SYT9: variants seen among roughly 807,000 people sequenced by gnomAD.
SYT9 encodes the protein synaptotagmin-9.
SYT9 carries 22 observed loss-of-function variants against 48.4 expected under a neutral mutation model. The ratio of observed to expected loss-of-function variants is 0.45; its 90% CI spans 0.32 to 0.65. SYT9 has a LOEUF of 0.65. Among genes scored for constraint, SYT9 ranks in the 30% least tolerant of loss-of-function variants. The pLI, the probability that SYT9 is intolerant of heterozygous loss-of-function variation, is 0.03. For missense variants in SYT9, 577 were observed against 622.0 expected, an observed-to-expected ratio of 0.93 and a Z score of 0.77; for synonymous variants, 265 against 245.0, an observed-to-expected ratio of 1.08 and a Z score of -0.76.
intron 1 of SYT9, among the ~76,000 whole-genome samples, chr11:7,298,125 T>C (rs1848847294): frequency 6.6e-6 from 1 of 152,186 alleles, no homozygotes. Flanking sequence ...TCCTCACTTC[T>C]GGAAAATTTA....
At chr11:7,312,863 A>G (rs563229233) in intron 2 of SYT9, among the ~76,000 whole-genome samples, 5 of 152,204 alleles carry the variant, frequency 3.3e-5, no homozygotes, top group Non-Finnish European at 5.9e-5. Flanking sequence ...ACATTTTTGC[A>G]TGAGCAAAAG....
Position 7,467,108 on chromosome 11 carries a change from C to G in SYT9, c.*308C>G. The G allele has an allele frequency of 2.6e-6, 1 of 382,956 alleles. No individual in the cohort carries two copies. The highest frequency in any genetic ancestry group is 2.1e-5 in the African/African-American group (1 of 48,658). 23.7% of individuals were successfully genotyped at this position (382,956 alleles called of 1,614,324 possible). A position where few individuals can be genotyped will look rare whatever the true frequency, so the allele number is the denominator to read the frequency against. ...TGACAGTACCAAGAGTACCAGGACTCAATGTTTCATATGAAGCCCTTGGTG... is the reference window on the plus strand; with the variant it reads ...TGACAGTACCAAGAGTACCAGGACTGAATGTTTCATATGAAGCCCTTGGTG... On this transcript the variant is annotated 3_prime_UTR_variant, in exon 7 of 7. Transcript: ENST00000318881.
In SYT9 at chr11:7,413,761, C is replaced by CTTT. The variant is rs61037405; in HGVS notation, c.1045-2271_1045-2269dup. Among the ~76,000 whole-genome samples the CTTT allele has an allele frequency of 1.1e-4, 16 of 145,586 alleles. 1 individual carries two copies. The highest frequency in any genetic ancestry group is 3.5e-4 in the African/African-American group (14 of 39,814). On this transcript the variant is annotated intron_variant, in intron 3 of 6. Coordinates refer to ENST00000318881, the MANE Select transcript of SYT9 (RefSeq NM_175733.4). ...ATAGCTGCCTGTTGTTTGTTTGTTC[C>CTTT]TTTTTTTTTTTTCTTTTTAAGAGAC...
rs1037354619 is a variant in SYT9 at position 7,371,019 on chromosome 11, T to G, written c.1045-45023T>G. Among the ~76,000 whole-genome samples the G allele has an allele frequency of 2.6e-5, 4 of 152,314 alleles. No homozygotes were observed. The East Asian group carries it at 7.7e-4, about 29-fold the overall frequency. ...ACTTATGTACCAACATAGTAGATTT[T>G]ACTGTATACTTTGATAGACTTTTGT... On this transcript the variant is annotated intron_variant, in intron 3 of 6. Coordinates refer to ENST00000318881, the MANE Select transcript of SYT9 (RefSeq NM_175733.4).
intron 1 of SYT9, among the ~76,000 whole-genome samples, chr11:7,272,256 A>G (rs2133888478): frequency 6.6e-6 from 1 of 152,262 alleles, no homozygotes. Flanking sequence ...AATTAGTGTT[A>G]GTTCTATTAT....
chr11:7,310,775 T>C (rs533828311), intron 2 of SYT9, among the ~76,000 whole-genome samples: 1 of 152,222 alleles, frequency 6.6e-6, no homozygotes, highest in African/African-American at 2.4e-5. Flanking sequence ...GTCAGCTGTA[T>C]TGGGAATTTT....
chr11:7,381,976 A>T (rs7944830), intron 3 of SYT9, among the ~76,000 whole-genome samples: 3,311 of 152,224 alleles, frequency 0.022, 118 homozygotes, highest in African/African-American at 0.075. Context: ...ATAATGTCTC[A>T]TCATCTCCAC....
chr11:7,421,165 A>G (rs1052885024), intron 6 of SYT9, among the ~76,000 whole-genome samples: 4 of 152,188 alleles, frequency 2.6e-5, no homozygotes, highest in Non-Finnish European at 5.9e-5. Context: ...CAAAAAGTCT[A>G]GAGGAAGGCA....
chr11:7,319,987 A>G (rs1418931651), intron 3 of SYT9, among the ~76,000 whole-genome samples: 1 of 152,210 alleles, frequency 6.6e-6, no homozygotes, highest in East Asian at 1.9e-4. Flanking sequence ...TTCTGTGAGT[A>G]TTCAAACCTA....
chr11:7,428,967 A>G (rs891317075), intron 6 of SYT9, among the ~76,000 whole-genome samples: 68 of 152,218 alleles, frequency 4.5e-4, no homozygotes, highest in African/African-American at 2.7e-4. Flanking sequence ...AATGAAGACA[A>G]TAGAATAGTA....
intron 3 of SYT9, among the ~76,000 whole-genome samples, chr11:7,401,512 T>C (rs2134075132): frequency 6.6e-6 from 1 of 151,826 alleles, no homozygotes; most frequent in Admixed American, 6.6e-5. Context: ...TCCTTAACGA[T>C]CTGGAGTATT....
upstream of SYT9, among the ~76,000 whole-genome samples, chr11:7,249,765 GA>G (rs1441185058): frequency 6.6e-6 from 1 of 152,184 alleles, no homozygotes; most frequent in Non-Finnish European, 1.5e-5. Flanking sequence ...GATAAGATGA[GA>G]AACCCTAGGC....
chr11:7,258,191 A>G (rs1219441299), intron 1 of SYT9, among the ~76,000 whole-genome samples: 1 of 152,188 alleles, frequency 6.6e-6, no homozygotes, highest in Non-Finnish European at 1.5e-5. Flanking sequence ...GACTTGAGGG[A>G]ACTAACAAGT....
chr11:7,272,469 A>G (rs1848314740), intron 1 of SYT9, among the ~76,000 whole-genome samples: 2 of 150,592 alleles, frequency 1.3e-5, no homozygotes, highest in Non-Finnish European at 3.0e-5. Context: ...TATCCTCCAG[A>G]CTTTTTATTG....
intron 1 of SYT9, among the ~76,000 whole-genome samples, chr11:7,258,462 G>GACCA (rs1848017605): frequency 6.6e-6 from 1 of 152,078 alleles, no homozygotes; most frequent in South Asian, 2.1e-4. Flanking sequence ...AAATCCTGAG[G>GACCA]ACCAGGCTTT....
rs779332916 is a variant in SYT9, at chr11:7,467,071, TGATA to T, written c.*276_*279del. The T allele has an allele frequency of 2.0e-6, 1 of 488,152 alleles. No homozygotes were observed. The highest frequency in any genetic ancestry group is 3.7e-6 in the Non-Finnish European group (1 of 270,684). The allele number at this position is 488,152 out of a possible 1,614,324, so 30.2% of individuals were successfully genotyped here. ...AGATCGGACTATGAACAAAAACAAA[TGATA>T]GATATAGTGACAGTACCAAGAGTAC... On this transcript the variant is annotated 3_prime_UTR_variant, in exon 7 of 7. Coordinates refer to ENST00000318881, the MANE Select transcript of SYT9 (RefSeq NM_175733.4).
intron 1 of SYT9, among the ~76,000 whole-genome samples, chr11:7,263,283 G>A (rs555996105): frequency 6.6e-5 from 10 of 152,258 alleles, no homozygotes; most frequent in South Asian, 4.2e-4. Context: ...AGGTGAGGGC[G>A]TGTTCCTCAT....
intron 3 of SYT9, among the ~76,000 whole-genome samples, chr11:7,355,515 C>T (rs901223374): frequency 6.6e-6 from 1 of 152,264 alleles, no homozygotes; most frequent in Admixed American, 6.5e-5. Flanking sequence ...TTCCTGCCTT[C>T]CTCAGCTAGA....
intron 1 of SYT9, among the ~76,000 whole-genome samples, chr11:7,298,185 A>C (rs1470372611): frequency 6.6e-6 from 1 of 151,610 alleles, no homozygotes; most frequent in African/African-American, 2.4e-5. Flanking sequence ...CTTTCATTTA[A>C]ATTTCCCAAG....
Sources: allele counts gnomAD v4.1 joint callset (sites outside exome capture counted in the v4.1 genomes callset), GRCh38; gene constraint gnomAD v4.1.1; transcripts MANE v1.5; gene names NCBI Gene and HGNC (gene_info 2026-07-23, HGNC 2026-07-21).